CPNE8: variants seen among roughly 807,000 people sequenced by gnomAD.
The protein encoded by CPNE8 is copine 8, also known as copine-8.
CPNE8 carries 45 observed loss-of-function variants against 81.5 expected under a neutral mutation model. The observed-to-expected ratio is 0.55, with a 90% confidence interval of 0.44 to 0.71. The LOEUF (loss-of-function observed/expected upper bound fraction) is 0.71, where lower values mean the gene tolerates loss of function less well. Ranked by LOEUF, CPNE8 falls within the 30% of genes least tolerant of loss-of-function variation. The pLI is 0.00. For synonymous variants in CPNE8, 252 were observed against 226.3 expected, an observed-to-expected ratio of 1.11 and a Z score of -1.02; for missense variants, 594 against 672.1, an observed-to-expected ratio of 0.88 and a Z score of 1.28.
intron 19 of CPNE8, among the ~76,000 whole-genome samples, chr12:38,657,721 C>G (rs1261716164): frequency 6.6e-6 from 1 of 152,178 alleles, no homozygotes; most frequent in Non-Finnish European, 1.5e-5. Context: ...GCAATATTTG[C>G]TGTTCTGCAG....
intron 1 of CPNE8, among the ~76,000 whole-genome samples, chr12:38,890,745 A>G (rs1463286359): frequency 6.6e-6 from 1 of 152,066 alleles, no homozygotes; most frequent in Non-Finnish European, 1.5e-5. Flanking sequence ...TTTCCCCAAG[A>G]CAAAAGTCTT....
At chr12:38,736,530 A>C (rs1684417) in intron 10 of CPNE8, among the ~76,000 whole-genome samples, 83,854 of 151,648 alleles carry the variant, frequency 0.55, 23,782 homozygotes, top group East Asian at 0.81. Context: ...TTTTAAAAAA[A>C]AGAATATATA....
intron 13 of CPNE8, among the ~76,000 whole-genome samples, chr12:38,721,482 C>T (rs746037599): frequency 2.6e-5 from 4 of 152,178 alleles, no homozygotes; most frequent in Non-Finnish European, 4.4e-5. Flanking sequence ...GAGCTACCCC[C>T]TGAGGGTCTC....
chr12:38,870,316 C>A (rs1943972559), intron 3 of CPNE8, among the ~76,000 whole-genome samples: 1 of 152,202 alleles, frequency 6.6e-6, no homozygotes. Flanking sequence ...ATAACTCAAT[C>A]ATTCTACTAT....
intron 13 of CPNE8, among the ~76,000 whole-genome samples, chr12:38,719,563 A>G (rs1207892421): frequency 6.7e-6 from 1 of 149,852 alleles, no homozygotes; most frequent in African/African-American, 2.5e-5. Flanking sequence ...AGCCTGGGCA[A>G]CAGAGTTAAG....
At chr12:38,656,520 A>G (rs1938821513) in intron 19 of CPNE8, among the ~76,000 whole-genome samples, 1 of 151,958 alleles carries the variant, frequency 6.6e-6, no homozygotes, top group Admixed American at 6.6e-5. Context: ...TGGACATTAA[A>G]CTCATTTAAG....
At chr12:38,762,559 C>T (rs1335915363) in intron 8 of CPNE8, among the ~76,000 whole-genome samples, 1 of 152,052 alleles carries the variant, frequency 6.6e-6, no homozygotes, top group Non-Finnish European at 1.5e-5. Context: ...AGAAGAACAG[C>T]TTTGTTGGAG....
At chr12:38,741,812 A>C (rs1430003532) in intron 10 of CPNE8, among the ~76,000 whole-genome samples, 1 of 88,108 alleles carries the variant, frequency 1.1e-5, no homozygotes, top group Non-Finnish European at 2.9e-5. Context: ...CAAAGAACTC[A>C]AACAAATTTG....
chr12:38,810,655 G>T (rs1942916612), intron 6 of CPNE8, among the ~76,000 whole-genome samples: 1 of 152,068 alleles, frequency 6.6e-6, no homozygotes, highest in African/African-American at 2.4e-5. Context: ...AACTTAGTGG[G>T]CTAAAACAAT....
chr12:38,771,921 G>C (rs1004127094), intron 7 of CPNE8, among the ~76,000 whole-genome samples: 1 of 152,176 alleles, frequency 6.6e-6, no homozygotes, highest in African/African-American at 2.4e-5. Context: ...TGACTTGTTT[G>C]TCCCTACCAA....
At chr12:38,848,875 A>G (rs1346807848) in intron 3 of CPNE8, among the ~76,000 whole-genome samples, 1 of 152,170 alleles carries the variant, frequency 6.6e-6, no homozygotes, top group African/African-American at 2.4e-5. Flanking sequence ...CCCAAAATTC[A>G]TATGACAAAC....
At chr12:38,749,615 G>T (rs1259058832) in intron 10 of CPNE8, among the ~76,000 whole-genome samples, 1 of 152,190 alleles carries the variant, frequency 6.6e-6, no homozygotes, top group Non-Finnish European at 1.5e-5. Context: ...GAATAAAGAT[G>T]ACTCTTGTTA....
chr12:38,797,294 C>A (rs1258702208), intron 6 of CPNE8, among the ~76,000 whole-genome samples: 3 of 152,146 alleles, frequency 2.0e-5, no homozygotes, highest in Admixed American at 1.3e-4. Context: ...CTGGGAGGCA[C>A]CCCCCAGTAG....
chr12:38,658,972 T>C (rs1042446256), intron 19 of CPNE8, among the ~76,000 whole-genome samples: 1 of 152,308 alleles, frequency 6.6e-6, no homozygotes, highest in Non-Finnish European at 1.5e-5. Context: ...CCATCAATGC[T>C]ATGAAGAAAC....
At chr12:38,828,853 T>G (rs1298280444) in intron 6 of CPNE8, among the ~76,000 whole-genome samples, 2 of 152,148 alleles carry the variant, frequency 1.3e-5, no homozygotes, top group African/African-American at 4.8e-5. Context: ...AATCAACTCA[T>G]GCAATTGACA....
intron 6 of CPNE8, among the ~76,000 whole-genome samples, chr12:38,792,270 A>T (rs1287638356): frequency 1.3e-5 from 2 of 150,242 alleles, no homozygotes; most frequent in African/African-American, 2.4e-5. Flanking sequence ...ATACAAAAAC[A>T]TTACAAAAAT....
rs201345382 is a variant in CPNE8 at position 38,806,046 on chromosome 12, A to G, written c.407+23333T>C. Among the ~76,000 whole-genome samples, 35 of 150,504 alleles carry G rather than the reference A, an allele frequency of 2.3e-4. 6 individuals are homozygous for G. In the East Asian group the frequency reaches 5.9e-3, roughly 25 times the overall value. On this transcript the variant is annotated intron_variant, in intron 6 of 19. Coordinates refer to ENST00000331366, the MANE Select transcript of CPNE8 (RefSeq NM_153634.3). Reference sequence around the variant, plus strand: ...TTGACACATACACCCTCCCAAGACTAAAGCAGGAAGAAGTTGAATCTCTGA... The same window carrying G: ...TTGACACATACACCCTCCCAAGACTGAAGCAGGAAGAAGTTGAATCTCTGA...
At chr12:38,684,286 T>G (rs1225781059) in intron 16 of CPNE8, among the ~76,000 whole-genome samples, 1 of 152,116 alleles carries the variant, frequency 6.6e-6, no homozygotes, top group African/African-American at 2.4e-5. Context: ...AGATCAATTT[T>G]GGGGGCCAAG....
chr12:38,883,532 T>G (rs1565661568), intron 1 of CPNE8, among the ~76,000 whole-genome samples: 1 of 152,206 alleles, frequency 6.6e-6, no homozygotes, highest in African/African-American at 2.4e-5. Context: ...GATTGGGAGC[T>G]TGATGAATAC....
Sources: gnomAD v4.1 joint callset for allele counts (sites outside exome capture counted in the v4.1 genomes callset) on GRCh38, gnomAD v4.1.1 for gene constraint, MANE v1.5 for transcripts, NCBI Gene and HGNC (gene_info 2026-07-23, HGNC 2026-07-21) for gene names.